Variants in PRICKLE2 observed in about 807,000 individuals in gnomAD.
PRICKLE2 encodes prickle planar cell polarity protein 2, also known as prickle-like protein 2.
In PRICKLE2, 21 loss-of-function variants were observed where a neutral mutation model predicts 81.4. That is an observed-to-expected ratio of 0.26 (90% CI 0.18 to 0.37). The LOEUF is 0.37. Among genes scored for constraint, PRICKLE2 ranks in the 10% least tolerant of loss-of-function variants. The probability of loss-of-function intolerance (pLI) is 1.00; values close to 1 mark genes in which losing one functional copy is unlikely to be tolerated. For synonymous variants in PRICKLE2, 456 were observed against 421.5 expected, an observed-to-expected ratio of 1.08 and a Z score of -1.00; for missense variants, 940 against 1,109.0, an observed-to-expected ratio of 0.85 and a Z score of 2.16.
chr3:64,167,046 G>C (rs538069074), intron 2 of PRICKLE2, among the ~76,000 whole-genome samples: 2 of 152,302 alleles, frequency 1.3e-5, no homozygotes, highest in East Asian at 1.9e-4. Context: ...TGAAACTACT[G>C]TATGGCCCAA....
chr3:64,128,460 G>A (rs548579393), intron 7 of PRICKLE2, among the ~76,000 whole-genome samples: 14 of 151,950 alleles, frequency 9.2e-5, no homozygotes, highest in Non-Finnish European at 1.5e-4. Flanking sequence ...TTTAAAAAGC[G>A]TATTTGGCCA....
chr3:64,201,475 T>G (rs141380194), intron 1 of PRICKLE2, among the ~76,000 whole-genome samples: 1 of 152,356 alleles, frequency 6.6e-6, no homozygotes, highest in African/African-American at 2.4e-5. Context: ...TGGTTTTGAT[T>G]TGCATTTCCC....
intron 7 of PRICKLE2, among the ~76,000 whole-genome samples, chr3:64,117,109 A>G (rs930979045): frequency 3.9e-5 from 6 of 152,246 alleles, no homozygotes; most frequent in African/African-American, 1.4e-4. Context: ...CCATATGATT[A>G]TCACAATAGA....
intron 1 of PRICKLE2, among the ~76,000 whole-genome samples, chr3:64,217,003 T>G (rs549354222): frequency 2.0e-5 from 3 of 152,200 alleles, no homozygotes; most frequent in Non-Finnish European, 4.4e-5. Flanking sequence ...TAAATGAAGT[T>G]CTGACTCTTG....
At chr3:64,182,276 C>T (rs565301040) in intron 2 of PRICKLE2, among the ~76,000 whole-genome samples, 17 of 152,140 alleles carry the variant, frequency 1.1e-4, no homozygotes, top group South Asian at 4.2e-4. Flanking sequence ...CCTTTGAGTC[C>T]GGGTGTTAGA....
At chr3:64,251,073 A>G (rs1174777149) in intron 2 of PRICKLE2, among the ~76,000 whole-genome samples, 4 of 152,208 alleles carry the variant, frequency 2.6e-5, no homozygotes, top group Non-Finnish European at 2.9e-5. Context: ...TATTGTGCAC[A>G]TGTTGGATAT....
At chr3:64,141,802 C>T in intron 7 of PRICKLE2, 1 of 985,270 alleles carries the variant, frequency 1.0e-6, no homozygotes, top group Non-Finnish European at 1.2e-6. Context: ...CACTTCATGC[C>T]AGATTAAACA....
At chr3:64,124,973 G>A (rs919748273) in intron 7 of PRICKLE2, among the ~76,000 whole-genome samples, 7 of 152,094 alleles carry the variant, frequency 4.6e-5, no homozygotes, top group African/African-American at 1.7e-4. Flanking sequence ...ATGGATCTGG[G>A]CAAAATAAAC....
chr3:64,225,199 A>G lies in PRICKLE2; in HGVS notation c.-330T>C, dbSNP rs994618758. ...GCAAGAGAAAAAAAGTATGACTTCTACTCTTCCTCTAGATCAGCCTGAGTG... is the reference window on the plus strand; with the variant it reads ...GCAAGAGAAAAAAAGTATGACTTCTGCTCTTCCTCTAGATCAGCCTGAGTG... On this transcript the variant is annotated 5_prime_UTR_variant, in exon 1 of 8. Coordinates refer to ENST00000638394, the MANE Select transcript of PRICKLE2 (RefSeq NM_198859.4). 40 of 984,948 alleles carry G rather than the reference A, an allele frequency of 4.1e-5. No homozygotes were observed. The highest frequency in any genetic ancestry group is 4.7e-5 in the Non-Finnish European group (39 of 829,920). 61.0% of individuals were successfully genotyped at this position (984,948 alleles called of 1,614,324 possible).
At position 64,146,900 on chromosome 3, in the gene PRICKLE2, T is replaced by C. The variant is rs886058800; in HGVS notation, c.1590A>G (p.Thr530=). ...TRHPISSLKY[T]EDMTPTEQTP... Reference sequence around the variant, plus strand: ...TCTGCTCTGTGGGCGTCATGTCCTCTGTGTATTTCAGGGAACTGATGGGAT... The same window carrying C: ...TCTGCTCTGTGGGCGTCATGTCCTCCGTGTATTTCAGGGAACTGATGGGAT... Residue 530 remains threonine (T), a synonymous_variant, in exon 7 of 8, where the codon ACA becomes ACG. Coordinates refer to ENST00000638394, the MANE Select transcript of PRICKLE2 (RefSeq NM_198859.4). 1.1e-5 allele frequency: 17 copies of C among 1,614,006 alleles called. No individual in the cohort carries two copies. In the Middle Eastern group the frequency reaches 1.5e-3, roughly 140 times the overall value.
chr3:64,161,278 A>G (rs548245273), intron 3 of PRICKLE2, among the ~76,000 whole-genome samples: 1 of 152,328 alleles, frequency 6.6e-6, no homozygotes, highest in East Asian at 1.9e-4. Context: ...ACTCAGAGTC[A>G]TGTATATACC....
At chr3:64,258,756 A>G (rs1231813251) in intron 2 of PRICKLE2, among the ~76,000 whole-genome samples, 26 of 146,522 alleles carry the variant, frequency 1.8e-4, no homozygotes, top group Admixed American at 7.5e-4. Flanking sequence ...CCCGGGAGGC[A>G]GAGCTTGCAG....
At chr3:64,144,757 C>T (rs1177317397) in intron 7 of PRICKLE2, among the ~76,000 whole-genome samples, 1 of 152,242 alleles carries the variant, frequency 6.6e-6, no homozygotes, top group Non-Finnish European at 1.5e-5. Flanking sequence ...ATGTCTGAGA[C>T]ACAGCACAAA....
chr3:64,101,623 A>G (rs1049224647), intron 7 of PRICKLE2: 4 of 152,358 alleles, frequency 2.6e-5, no homozygotes, highest in African/African-American at 9.6e-5. Flanking sequence ...CTGATAGCAG[A>G]TAAATAAAAA....
intron 2 of PRICKLE2, among the ~76,000 whole-genome samples, chr3:64,242,578 A>G (rs1235358733): frequency 6.6e-6 from 1 of 152,278 alleles, no homozygotes; most frequent in African/African-American, 2.4e-5. Flanking sequence ...GTATTCTACA[A>G]TAAAACTAGC....
At chr3:64,185,737 G>A (rs1448226226) in intron 2 of PRICKLE2, among the ~76,000 whole-genome samples, 3 of 152,328 alleles carry the variant, frequency 2.0e-5, no homozygotes, top group South Asian at 4.1e-4. Context: ...TTGCCTTCCT[G>A]TTTGCTAAAG....
intron 2 of PRICKLE2, among the ~76,000 whole-genome samples, chr3:64,262,393 G>A (rs574635873): frequency 8.5e-5 from 13 of 152,170 alleles, no homozygotes; most frequent in South Asian, 2.1e-4. Context: ...AAAAGTTAGC[G>A]CTATGTTTTG....
chr3:64,243,026 G>A (rs990438323), intron 2 of PRICKLE2, among the ~76,000 whole-genome samples: 2 of 152,220 alleles, frequency 1.3e-5, no homozygotes, highest in Admixed American at 1.3e-4. Flanking sequence ...CAGAAAGTGA[G>A]AGAGCAGGGA....
intron 2 of PRICKLE2, among the ~76,000 whole-genome samples, chr3:64,177,180 G>A (rs1482425749): frequency 9.4e-6 from 1 of 106,114 alleles, no homozygotes; most frequent in Non-Finnish European, 1.7e-5. Flanking sequence ...TTGTTGCCCA[G>A]GCTGGAATGC....
Sources: allele counts gnomAD v4.1 joint callset (sites outside exome capture counted in the v4.1 genomes callset), GRCh38; gene constraint gnomAD v4.1.1; transcripts MANE v1.5; gene names NCBI Gene and HGNC (gene_info 2026-07-23, HGNC 2026-07-21).